The following MTM1 variants were observed in gnomAD, a reference collection of about 807,000 sequenced individuals.
MTM1 encodes the protein myotubularin 1, also known as myotubularin.
MTM1 carries 9 observed loss-of-function variants against 52.1 expected under a neutral mutation model. The observed-to-expected ratio is 0.17, with a 90% CI of 0.10 to 0.30. MTM1 has a LOEUF of 0.30. Among genes scored for constraint, MTM1 ranks in the 10% least tolerant of loss-of-function variants. MTM1 has a pLI of 1.00. For synonymous variants in MTM1, 136 were observed against 163.8 expected (o/e 0.83, Z 1.29); for missense variants, 277 against 470.7 (o/e 0.59, Z 3.81).
At chrX:150,569,906 G>T (rs1401446114) in intron 1 of MTM1, among the ~76,000 whole-genome samples, 2 of 111,755 alleles carry the variant, frequency 1.8e-5, no homozygotes, top group African/African-American at 6.5e-5. Context: ...AATGGCTTTT[G>T]GCTGCTTCAC....
chrX:150,590,138 C>T lies in MTM1; in HGVS notation c.-10-2467C>T, dbSNP rs1368316493. On this transcript the variant is annotated intron_variant, in intron 1 of 14. Transcript: ENST00000370396. ...TAGTCAGCTGCAACATTTGTGCACA[C>T]CAGCATGATGCTGTTCCAGCTTCTA... Among the ~76,000 whole-genome samples the T allele has an allele frequency of 2.7e-5, 3 of 111,719 alleles. No individual in the cohort carries two copies. The Admixed American group carries it at 2.9e-4, about 11-fold the overall frequency.
At chrX:150,658,669 T>A (rs1234339106) in intron 11 of MTM1, among the ~76,000 whole-genome samples, 2 of 111,521 alleles carry the variant, frequency 1.8e-5, no homozygotes, top group African/African-American at 6.5e-5. Context: ...TTCCTAGGTC[T>A]TATTTCCAGA....
intron 7 of MTM1, 108 bp from the exon 8 acceptor site, chrX:150,641,161 G>A: frequency 4.7e-6 from 4 of 850,331 alleles, no homozygotes; most frequent in Non-Finnish European, 6.9e-6. Flanking sequence ...TCACCCTGTG[G>A]TCAAAGAGGC....
At chrX:150,652,069 T>C (rs1347284206) in intron 10 of MTM1, among the ~76,000 whole-genome samples, 1 of 110,979 alleles carries the variant, frequency 9.0e-6, no homozygotes, top group Admixed American at 9.6e-5. Flanking sequence ...GGGGGAAGTG[T>C]TGAGGATCAT....
intron 3 of MTM1, among the ~76,000 whole-genome samples, chrX:150,598,236 G>A (rs1557412651): frequency 1.8e-5 from 2 of 112,358 alleles, no homozygotes; most frequent in African/African-American, 3.2e-5. Context: ...GTGAGTTGCC[G>A]TCCTCTGGCT....
At chrX:150,584,332 G>GAAT (rs1400301942) in intron 1 of MTM1, among the ~76,000 whole-genome samples, 18 of 110,260 alleles carry the variant, frequency 1.6e-4, no homozygotes, top group African/African-American at 5.6e-4. Flanking sequence ...AGTGGCAGAA[G>GAAT]AATATATAAT....
At chrX:150,570,849 G>A (rs916685582) in intron 1 of MTM1, among the ~76,000 whole-genome samples, 1 of 112,148 alleles carries the variant, frequency 8.9e-6, no homozygotes, top group Non-Finnish European at 1.9e-5. Flanking sequence ...TAATAAAATG[G>A]CATTAATGAG....
intron 1 of MTM1, among the ~76,000 whole-genome samples, chrX:150,592,322 T>G (rs2038899347): frequency 9.0e-6 from 1 of 111,623 alleles, no homozygotes; most frequent in Non-Finnish European, 1.9e-5. Flanking sequence ...CGAATTAAAA[T>G]TCCTGGAATG....
chrX:150,625,731 C>T (rs781802666), intron 6 of MTM1, among the ~76,000 whole-genome samples: 257 of 112,618 alleles, frequency 2.3e-3, no homozygotes, highest in African/African-American at 7.8e-3. Flanking sequence ...GAAGCTCTTT[C>T]GCATCAAAAT....
chrX:150,620,546 A>G (rs1557413262), intron 6 of MTM1, among the ~76,000 whole-genome samples: 1 of 111,336 alleles, frequency 9.0e-6, no homozygotes, highest in African/African-American at 3.3e-5. Flanking sequence ...GCATTCAACA[A>G]TTTTGACCAT....
chrX:150,670,348 T>C (rs2040375802), intron 14 of MTM1, among the ~76,000 whole-genome samples: 1 of 112,154 alleles, frequency 8.9e-6, no homozygotes, highest in Admixed American at 9.4e-5. Flanking sequence ...CTCACTTCAC[T>C]CACACAATGC....
rs59931479 is a variant in MTM1, at chrX:150,647,194, AATATATATAT to A, written c.867+1341_867+1350del. ...TATCTTTCATATATATTTCAGGGTG[AATATATATAT>A]ATATATATATATATATAGCAATATT... On this transcript the variant is annotated intron_variant, in intron 9 of 14. Coordinates refer to ENST00000370396, the MANE Select transcript of MTM1 (RefSeq NM_000252.3). 3.0e-3 allele frequency among the ~76,000 whole-genome samples: 249 copies of A among 83,825 alleles called. 3 individuals carry two copies. Among genetic ancestry groups the A allele is most frequent in the Middle Eastern group, 0.027 (4 of 148 alleles). The allele number at this position is 83,825 out of a possible 115,157, so 72.8% of individuals were successfully genotyped here. A position where few individuals can be genotyped will look rare whatever the true frequency, so the allele number is the denominator to read the frequency against.
intron 1 of MTM1, among the ~76,000 whole-genome samples, chrX:150,591,951 C>T (rs1557412495): frequency 8.9e-6 from 1 of 112,519 alleles, no homozygotes; most frequent in Admixed American, 9.4e-5. Context: ...CTTCTTAAGT[C>T]TAAATAAATC....
rs149460288 is a variant in MTM1 at position 150,581,871 on chromosome X, G to A, written c.-10-10734G>A. 3.5e-3 allele frequency among the ~76,000 whole-genome samples: 393 copies of A among 111,750 alleles called. 4 individuals carry two copies. Among genetic ancestry groups the A allele is most frequent in the African/African-American group, 0.011 (346 of 30,772 alleles). On this transcript the variant is annotated intron_variant, in intron 1 of 14. Transcript: ENST00000370396. ...TACCTAGTTGCCTTTTAAGGTTTTG[G>A]TGGGGATTAAATGACTTAATCTGTG... is the stretch of plus-strand genomic sequence containing the variant.
rs781999885 is a variant in MTM1, at chrX:150,640,228, TAA to T, written c.529-1040_529-1039del. 4.4e-5 allele frequency among the ~76,000 whole-genome samples: 5 copies of T among 112,431 alleles called. No homozygotes were observed. The East Asian group carries it at 8.4e-4, about 19-fold the overall frequency. On this transcript the variant is annotated intron_variant, in intron 7 of 14. Transcript: ENST00000370396. ...CTTTTTGAAGTATTACTGATAACAT[TAA>T]GACTTTTTTTTAGTTCAAAGCTTCT...
At chrX:150,589,626 G>A (rs1261103877) in intron 1 of MTM1, among the ~76,000 whole-genome samples, 1 of 111,032 alleles carries the variant, frequency 9.0e-6, no homozygotes, top group African/African-American at 3.3e-5. Context: ...TTTTATACAC[G>A]AAGATATGGA....
intron 10 of MTM1, 93 bp downstream of exon 10, chrX:150,649,994 A>G: frequency 2.5e-6 from 2 of 804,686 alleles, no homozygotes; most frequent in East Asian, 3.3e-5. Context: ...AAAAAAATGG[A>G]CATTGAGAGA....
rs1557412134 is a variant in MTM1 at position 150,583,935 on chromosome X, A to ATATATATAT, written c.-10-8670_-10-8669insTATATATAT. Among the ~76,000 whole-genome samples the ATATATATAT allele has an allele frequency of 9.7e-3, 583 of 60,204 alleles. 54 individuals carry two copies. Among genetic ancestry groups the ATATATATAT allele is most frequent in the African/African-American group, 0.016 (252 of 16,232 alleles). 52.3% of individuals were successfully genotyped at this position (60,204 alleles called of 115,157 possible). A position where few individuals can be genotyped will look rare whatever the true frequency, so the allele number is the denominator to read the frequency against. On this transcript the variant is annotated intron_variant, in intron 1 of 14. Coordinates refer to ENST00000370396, the MANE Select transcript of MTM1 (RefSeq NM_000252.3). ...ATAATATAAAATATATATTAAATTA[A>ATATATATAT]AATATATATATTAAATATATGTTAA...
intron 4 of MTM1, among the ~76,000 whole-genome samples, chrX:150,603,176 T>C (rs1459057753): frequency 1.8e-5 from 2 of 111,964 alleles, no homozygotes; most frequent in African/African-American, 6.5e-5. Context: ...CTGTATCGCA[T>C]GTATAACAAT....
Sources: gnomAD v4.1 joint callset for allele counts (sites outside exome capture counted in the v4.1 genomes callset) on GRCh38, gnomAD v4.1.1 for gene constraint, MANE v1.5 for transcripts, NCBI Gene and HGNC (gene_info 2026-07-23, HGNC 2026-07-21) for gene names.